Variants in EPN3 observed in about 807,000 individuals in gnomAD.
The protein encoded by EPN3 is epsin-3.
A neutral mutation model predicts 55.5 loss-of-function variants in EPN3; 56 were observed. That is an observed-to-expected ratio of 1.01 (90% CI 0.81 to 1.26). The LOEUF is 1.26. Ranked by LOEUF, EPN3 falls within the 50% of genes most tolerant of loss-of-function variation. The pLI, the probability that EPN3 is intolerant of heterozygous loss-of-function variation, is 0.00. For missense variants in EPN3, 927 were observed against 853.4 expected, an observed-to-expected ratio of 1.09 and a Z score of -1.07; for synonymous variants, 449 against 375.2, an observed-to-expected ratio of 1.20 and a Z score of -2.27.
chr17:50,532,814 CCT>C lies in EPN3; in HGVS notation c.-305_-304del. 1.8e-6 allele frequency: 2 copies of C among 1,142,442 alleles called. No individual in the cohort carries two copies. Among genetic ancestry groups the C allele is most frequent in the Non-Finnish European group, 1.2e-6 (1 of 868,340 alleles). The allele number at this position is 1,142,442 out of a possible 1,614,324, so 70.8% of individuals were successfully genotyped here. A position where few individuals can be genotyped will look rare whatever the true frequency, so the allele number is the denominator to read the frequency against. The stretch of plus-strand genomic sequence containing the variant: ...CCATTCCAGGGACCCTGCCGCTGCC[CCT>C]CTGAGGGGTCTGCACCTCCTGGGAG... On this transcript the variant is annotated 5_prime_UTR_variant, in exon 1 of 10. Transcript: ENST00000268933.
chr17:50,541,144 TAGG>T, intron 7 of EPN3, 82 bp downstream of exon 7: 1 of 1,598,870 alleles, frequency 6.3e-7, no homozygotes, highest in East Asian at 2.2e-5. Flanking sequence ...CTGTTTGTGT[TAGG>T]AGGACAGCTT....
chr17:50,537,144 G>A (rs746760118), intron 2 of EPN3, 26 bp downstream of exon 2: 3 of 1,545,798 alleles, frequency 1.9e-6, no homozygotes, highest in Admixed American at 3.8e-5. Flanking sequence ...TGTGTGGCTG[G>A]GATGGGGAGG....
At chr17:50,540,415 TCCTCC>T in intron 6 of EPN3, 81 bp downstream of exon 6, 1 of 1,334,324 alleles carries the variant, frequency 7.5e-7, no homozygotes, top group East Asian at 2.4e-5. Flanking sequence ...GCCAAGCACC[TCCTCC>T]CAAAATCTGA....
intron 1 of EPN3, among the ~76,000 whole-genome samples, 190 bp downstream of exon 1, chr17:50,533,175 C>T (rs2034700391): frequency 6.6e-6 from 1 of 152,050 alleles, no homozygotes; most frequent in Non-Finnish European, 1.5e-5. Flanking sequence ...GGACTCAGGG[C>T]CCCCTCCCCA....
chr17:50,533,927 T>C (rs2034718955), intron 1 of EPN3, among the ~76,000 whole-genome samples: 1 of 152,184 alleles, frequency 6.6e-6, no homozygotes, highest in Non-Finnish European at 1.5e-5. Context: ...CTGCTGCTGC[T>C]ACCGCCACCG....
chr17:50,539,057 T>C lies in EPN3; in HGVS notation c.762+93T>C. ...AACAGCCTCCTCCCGCTGTACCCGG[T>C]GGCCCTGCTGCTCCTAACCTCTCAG... is the stretch of plus-strand genomic sequence containing the variant. On this transcript the variant is annotated intron_variant, in intron 4 of 9. Coordinates refer to ENST00000268933, the MANE Select transcript of EPN3 (RefSeq NM_017957.3). 3 of 1,537,798 alleles carry C rather than the reference T, an allele frequency of 2.0e-6. No homozygotes were observed. The South Asian group carries it at 3.7e-5, about 19-fold the overall frequency.
chr17:50,542,012 G>C lies in EPN3; in HGVS notation c.1754G>C (p.Ser585Thr). The part of the protein sequence containing the change: ...YSASLPLPLS[S>T]VPAGLTLPAS... The stretch of plus-strand genomic sequence containing the variant: ...GCCTCTCTGCCCCTCCCGCTCAGCA[G>C]CGTGCCAGCTGGCTTGACCCTCCCC... Residue 585 changes from serine to threonine, a missense_variant, in exon 10 of 10, where the codon AGC (serine) becomes ACC (threonine). Transcript: ENST00000268933. The C allele has an allele frequency of 6.3e-7, 1 of 1,598,128 alleles. No individual in the cohort carries two copies. Among genetic ancestry groups the C allele is most frequent in the South Asian group, 1.1e-5 (1 of 90,820 alleles).
At chr17:50,534,715 G>A in intron 1 of EPN3, 6 of 942,524 alleles carry the variant, frequency 6.4e-6, no homozygotes, top group Non-Finnish European at 7.6e-6. Context: ...CTTATTCTCT[G>A]GGCCCCCAAC....
In EPN3 at chr17:50,539,244, G is replaced by A. The variant is rs773160384; in HGVS notation, c.820G>A (p.Val274Ile). 60 of 1,614,104 alleles carry A rather than the reference G, an allele frequency of 3.7e-5. No individual in the cohort carries two copies. Among genetic ancestry groups the A allele is most frequent in the Non-Finnish European group, 4.3e-5 (51 of 1,180,038 alleles). ...SPMANGAGAV[V>I]HHQRDREPER... ...CATGGCCAATGGTGCAGGGGCCGTGGTCCACCATCAGCGGGACAGAGAGCC... is the reference window on the plus strand; with the variant it reads ...CATGGCCAATGGTGCAGGGGCCGTGATCCACCATCAGCGGGACAGAGAGCC... Residue 274 changes from valine (V) to isoleucine (I), a missense_variant, in exon 5 of 10, where the codon GTC becomes ATC. Physicochemically the swap from Val to Ile is conservative, Grantham distance 29. Coordinates refer to ENST00000268933, the MANE Select transcript of EPN3 (RefSeq NM_017957.3).
chr17:50,534,313 C>T (rs571923703), intron 1 of EPN3: 65 of 697,400 alleles, frequency 9.3e-5, no homozygotes, highest in South Asian at 7.6e-4. Flanking sequence ...CAGGCAGGGC[C>T]GCTGGGCCCA....
chr17:50,538,392 G>C (rs2034795584), intron 3 of EPN3, 195 bp downstream of exon 3: 1 of 578,746 alleles, frequency 1.7e-6, no homozygotes, highest in Non-Finnish European at 3.1e-6. Context: ...CTCTCCACTG[G>C]GCCTGGAAAG....
chr17:50,541,212 C>CCT lies in EPN3; in HGVS notation c.1250-8_1250-7dup, dbSNP rs749999201. 3 of 1,613,292 alleles carry CCT rather than the reference C, an allele frequency of 1.9e-6. No homozygotes were observed. ...CCTTTTTGTCAACCCATCTCCTCTT[C>CCT]CTCTCTCTCTTCCGAGGTGGTGCCT... is the stretch of plus-strand genomic sequence containing the variant. On this transcript the variant is annotated splice_polypyrimidine_tract_variant and intron_variant, in intron 7 of 9. Transcript: ENST00000268933.
chr17:50,543,395 C>G lies in EPN3; in HGVS notation c.*1238C>G, dbSNP rs908700060. The stretch of plus-strand genomic sequence containing the variant: ...GGAGGGGCCCCTATGACCACCCTCG[C>G]CTGTTTTTCTTCTCAATGCTCCCTG... On this transcript the variant is annotated 3_prime_UTR_variant, in exon 10 of 10. Transcript: ENST00000268933. 9 of 152,286 alleles carry G rather than the reference C, an allele frequency of 5.9e-5. No homozygotes were observed. The highest frequency in any genetic ancestry group is 2.2e-4 in the African/African-American group (9 of 41,446). The allele number at this position is 152,286 out of a possible 1,614,324, so 9.4% of individuals were successfully genotyped here. A position where few individuals can be genotyped will look rare whatever the true frequency, so the allele number is the denominator to read the frequency against.
At chr17:50,540,599 C>T (rs1277808967) in intron 6 of EPN3, among the ~76,000 whole-genome samples, 194 bp from the exon 7 acceptor site, 1 of 152,226 alleles carries the variant, frequency 6.6e-6, no homozygotes, top group Non-Finnish European at 1.5e-5. Context: ...TGGCCTGAGT[C>T]GCCCACACCT....
rs755762833 is a variant in EPN3, at chr17:50,536,727, G to A, written c.171G>A (p.Met57Ile). Reference protein sequence around the residue: ...TFNTVAFTEVMGMLWRRLNDS... With the variant: ...TFNTVAFTEVIGMLWRRLNDS... ...ACACAGTGGCCTTCACCGAAGTCATGGGCATGCTGTGGCGGCGGCTCAATG... is the reference window on the plus strand; with the variant it reads ...ACACAGTGGCCTTCACCGAAGTCATAGGCATGCTGTGGCGGCGGCTCAATG... Residue 57 changes from methionine to isoleucine, a missense_variant, in exon 2 of 10, where the codon ATG (methionine) becomes ATA (isoleucine). Met to Ile is a conservative substitution (Grantham distance 10). Coordinates refer to ENST00000268933, the MANE Select transcript of EPN3 (RefSeq NM_017957.3). 5 of 1,614,032 alleles carry A rather than the reference G, an allele frequency of 3.1e-6. No homozygotes were observed. The Admixed American group carries it at 8.3e-5, about 27-fold the overall frequency.
At chr17:50,534,750 A>C (rs2034733870) in intron 1 of EPN3, 1 of 729,010 alleles carries the variant, frequency 1.4e-6, no homozygotes, top group Admixed American at 6.3e-5. Flanking sequence ...CATGTTTTCA[A>C]AGCGTGGGGC....
Position 50,532,976 on chromosome 17 carries a change from C to T in EPN3, c.-146C>T, listed in dbSNP as rs547286508. 6 of 1,284,654 alleles carry T rather than the reference C, an allele frequency of 4.7e-6. No individual in the cohort carries two copies. The highest frequency in any genetic ancestry group is 5.7e-5 in the East Asian group (1 of 17,488). 79.6% of individuals were successfully genotyped at this position (1,284,654 alleles called of 1,614,324 possible). ...GGCTGGGGCTGGGGCCGAGGGAGCC[C>T]GCACTGGAGGTAAGCTTCCTCCCTG... On this transcript the variant is annotated 5_prime_UTR_variant, in exon 1 of 10. Transcript: ENST00000268933.
chr17:50,538,991 C>CGGTGCT, intron 4 of EPN3, 27 bp downstream of exon 4: 8 of 1,576,688 alleles, frequency 5.1e-6, no homozygotes, highest in Non-Finnish European at 6.9e-6. Context: ...GCTGGGCTGC[C>CGGTGCT]GGTGCTGCTG....
At position 50,538,108 on chromosome 17, in the gene EPN3, G is replaced by A. The variant is rs779691632; in HGVS notation, c.592G>A (p.Asp198Asn). 10 of 1,614,002 alleles carry A rather than the reference G, an allele frequency of 6.2e-6. No individual in the cohort carries two copies. Among genetic ancestry groups the A allele is most frequent in the South Asian group, 3.3e-5 (3 of 91,058 alleles). ...CTCTTCGTCACCCCGCTATACCTCC[G>A]ACCTGGAGCAGGCCCGGCCTCAGAC... The part of the protein sequence containing the change: ...SSSSSPRYTS[D>N]LEQARPQTSG... Residue 198 changes from aspartate (D) to asparagine (N), a missense_variant, in exon 3 of 10, where the codon GAC becomes AAC. Transcript: ENST00000268933.
Sources: gnomAD v4.1 joint callset for allele counts (sites outside exome capture counted in the v4.1 genomes callset) on GRCh38, gnomAD v4.1.1 for gene constraint, MANE v1.5 for transcripts, NCBI Gene and HGNC (gene_info 2026-07-23, HGNC 2026-07-21) for gene names.